LYPLAL1: variants seen among roughly 807,000 people sequenced by gnomAD.
LYPLAL1 encodes lysophospholipase like 1.
In LYPLAL1, 23 loss-of-function variants were observed where a neutral mutation model predicts 19.7. The ratio of observed to expected loss-of-function variants is 1.17; its 90% CI spans 0.84 to 1.65. The LOEUF (loss-of-function observed/expected upper bound fraction) is 1.65. Among genes scored for constraint, LYPLAL1 ranks in the 40% most tolerant of loss-of-function variants. The pLI, the probability that LYPLAL1 is intolerant of heterozygous loss-of-function variation, is 0.00. For missense variants in LYPLAL1, 355 were observed against 279.4 expected, an observed-to-expected ratio of 1.27 and a Z score of -1.93; for synonymous variants, 119 against 96.3, an observed-to-expected ratio of 1.24 and a Z score of -1.38.
chr1:219,437,443 C>A, the LYPLAL1 span, among the ~76,000 whole-genome samples: 245 of 152,204 alleles, frequency 1.6e-3, no homozygotes, highest in Non-Finnish European at 1.4e-3. Context: ...CAGCTAAGGA[C>A]CTCACTGTCT....
chr1:219,391,120 A>T, the LYPLAL1 span, among the ~76,000 whole-genome samples: 1 of 152,182 alleles, frequency 6.6e-6, no homozygotes, highest in African/African-American at 2.4e-5. Context: ...AAAAGGTAAA[A>T]ATTTGTCTTT....
Position 219,211,914 on chromosome 1 carries a change from G to T in LYPLAL1, c.*186G>T. Reference sequence around the variant, plus strand: ...TGAAAAACAATAGACAAACATCTGTGCATAATTTTTCAGACACAATTCTGT... The same window carrying T: ...TGAAAAACAATAGACAAACATCTGTTCATAATTTTTCAGACACAATTCTGT... On this transcript the variant is annotated 3_prime_UTR_variant, in exon 5 of 5. Coordinates refer to ENST00000366928, the MANE Select transcript of LYPLAL1 (RefSeq NM_138794.5). 2.4e-6 allele frequency: 1 copy of T among 415,790 alleles called. No homozygotes were observed. Among genetic ancestry groups the T allele is most frequent in the South Asian group, 6.5e-5 (1 of 15,406 alleles). The allele number at this position is 415,790 out of a possible 1,614,324, so 25.8% of individuals were successfully genotyped here.
At chr1:219,271,691 G>T in the LYPLAL1 span, 1 of 152,186 alleles carries the variant, frequency 6.6e-6, no homozygotes. Flanking sequence ...GCAGTGAAGG[G>T]TGGCCACCTG....
the LYPLAL1 span, among the ~76,000 whole-genome samples, chr1:219,324,743 A>G: frequency 0.35 from 52,925 of 151,968 alleles, 10,073 homozygotes; most frequent in East Asian, 0.81. Context: ...GTGTGTGTTG[A>G]GGTCAGGTTG....
intron 3 of LYPLAL1, among the ~76,000 whole-genome samples, chr1:219,208,791 A>C (rs534924006): frequency 9.4e-4 from 143 of 152,250 alleles, no homozygotes; most frequent in Non-Finnish European, 1.7e-3. Context: ...TTAAAGAGAA[A>C]ACTTCATAAG....
the LYPLAL1 span, among the ~76,000 whole-genome samples, chr1:219,317,520 A>C: frequency 6.6e-6 from 1 of 152,202 alleles, no homozygotes; most frequent in African/African-American, 2.4e-5. Flanking sequence ...AAAGGGCTAT[A>C]TATATTTGTA....
chr1:219,314,365 G>T, the LYPLAL1 span, among the ~76,000 whole-genome samples: 1 of 152,220 alleles, frequency 6.6e-6, no homozygotes. Context: ...GTATCAAATG[G>T]TAATTCTGTT....
At chr1:219,347,859 A>G in the LYPLAL1 span, among the ~76,000 whole-genome samples, 11 of 151,742 alleles carry the variant, frequency 7.2e-5, no homozygotes, top group Admixed American at 2.6e-4. Context: ...TCCTTGATGC[A>G]CAGAAAAAAA....
At chr1:219,230,338 C>T in the LYPLAL1 span, among the ~76,000 whole-genome samples, 2 of 152,194 alleles carry the variant, frequency 1.3e-5, no homozygotes, top group African/African-American at 4.8e-5. Context: ...ATCTCGAACT[C>T]CTGACCTTGT....
At chr1:219,179,400 T>G (rs1490529737) in intron 2 of LYPLAL1, 154 bp downstream of exon 2, 1 of 631,308 alleles carries the variant, frequency 1.6e-6, no homozygotes, top group Admixed American at 3.5e-5. Context: ...TTTATTGCAG[T>G]TACACTGTTG....
At chr1:219,288,153 G>A in the LYPLAL1 span, among the ~76,000 whole-genome samples, 1 of 152,178 alleles carries the variant, frequency 6.6e-6, no homozygotes, top group African/African-American at 2.4e-5. Context: ...TATCCACATG[G>A]AAACCTACAC....
chr1:219,202,793 A>G (rs1658223883), intron 3 of LYPLAL1, among the ~76,000 whole-genome samples: 1 of 151,678 alleles, frequency 6.6e-6, no homozygotes, highest in Admixed American at 6.6e-5. Context: ...CTCCTGCATC[A>G]GCCTCTTGAA....
At chr1:219,292,522 G>C in the LYPLAL1 span, among the ~76,000 whole-genome samples, 2 of 152,160 alleles carry the variant, frequency 1.3e-5, no homozygotes, top group Admixed American at 1.3e-4. Flanking sequence ...CTACCAGTCT[G>C]CAGGACATGC....
chr1:219,275,575 T>C, the LYPLAL1 span, among the ~76,000 whole-genome samples: 1 of 152,286 alleles, frequency 6.6e-6, no homozygotes, highest in South Asian at 2.1e-4. Flanking sequence ...TCAGAGAACA[T>C]TTTCTTCTAA....
the LYPLAL1 span, among the ~76,000 whole-genome samples, chr1:219,357,522 A>G: frequency 6.6e-6 from 1 of 152,242 alleles, no homozygotes; most frequent in Non-Finnish European, 1.5e-5. Flanking sequence ...GCTAATTATC[A>G]ATTGCTGTCA....
the LYPLAL1 span, among the ~76,000 whole-genome samples, chr1:219,352,184 G>T: frequency 6.6e-6 from 1 of 152,214 alleles, no homozygotes; most frequent in Non-Finnish European, 1.5e-5. Flanking sequence ...ACTTAGCTCA[G>T]TGACTTCACC....
chr1:219,348,681 T>TA, the LYPLAL1 span, among the ~76,000 whole-genome samples: 12 of 152,318 alleles, frequency 7.9e-5, no homozygotes, highest in South Asian at 1.2e-3. Context: ...GCCAGCTGTC[T>TA]AGCAAATGTT....
At chr1:219,426,958 A>G in the LYPLAL1 span, among the ~76,000 whole-genome samples, 1 of 152,346 alleles carries the variant, frequency 6.6e-6, no homozygotes, top group African/African-American at 2.4e-5. Context: ...TATCTTGCCC[A>G]AAGGCAATAT....
chr1:219,203,136 G>T (rs1010747382), intron 3 of LYPLAL1, among the ~76,000 whole-genome samples: 1 of 152,130 alleles, frequency 6.6e-6, no homozygotes, highest in Admixed American at 6.5e-5. Context: ...ATGTAAGACA[G>T]TATGTCCTAA....
Sources: allele counts gnomAD v4.1 joint callset (sites outside exome capture counted in the v4.1 genomes callset), GRCh38; gene constraint gnomAD v4.1.1; transcripts MANE v1.5; gene names NCBI Gene and HGNC (gene_info 2026-07-23, HGNC 2026-07-21).